NSD2: variants seen among roughly 807,000 people sequenced by gnomAD.
NSD2 encodes the protein nuclear receptor binding SET domain protein 2, also known as histone-lysine N-methyltransferase NSD2.
NSD2 carries 12 observed loss-of-function variants against 139.0 expected under a neutral mutation model. That is an observed-to-expected ratio of 0.09 (90% CI 0.06 to 0.14). The LOEUF (loss-of-function observed/expected upper bound fraction) is 0.14. Among genes scored for constraint, NSD2 ranks in the 10% least tolerant of loss-of-function variants. The pLI is 1.00. For missense variants in NSD2, 1,155 were observed against 1,745.0 expected, an observed-to-expected ratio of 0.66 and a Z score of 6.02; for synonymous variants, 669 against 648.7, an observed-to-expected ratio of 1.03 and a Z score of -0.48.
chr4:1,904,270 T>C lies in NSD2; in HGVS notation c.652T>C (p.Leu218=), dbSNP rs201612782. ...PNTGRDKDHL[L]KYNVGDLVWS... Reference sequence around the variant, plus strand: ...CACTGGAAGAGACAAAGACCACCTGTTGAAATACAACGTTGGTGATTTGGT... The same window carrying C: ...CACTGGAAGAGACAAAGACCACCTGCTGAAATACAACGTTGGTGATTTGGT... Residue 218 remains leucine (L), a synonymous_variant, in exon 3 of 22, where the codon TTG becomes CTG. Coordinates refer to ENST00000508803, the MANE Select transcript of NSD2 (RefSeq NM_001042424.3). 5.8e-5 allele frequency: 93 copies of C among 1,614,088 alleles called. No homozygotes were observed. Among genetic ancestry groups the C allele is most frequent in the Non-Finnish European group, 6.8e-6 (8 of 1,180,022 alleles).
intron 5 of NSD2, among the ~76,000 whole-genome samples, chr4:1,923,918 C>T (rs1026732067): frequency 3.3e-5 from 5 of 152,166 alleles, no homozygotes; most frequent in African/African-American, 4.8e-5. Flanking sequence ...GGGCCACATA[C>T]CCACAACTGA....
chr4:1,951,911 GTCA>G (rs1459680986), intron 10 of NSD2, 194 bp from the exon 11 acceptor site: 1 of 811,136 alleles, frequency 1.2e-6, no homozygotes, highest in Non-Finnish European at 1.8e-6. Context: ...TTCTGTAACA[GTCA>G]TCTGGTTTTA....
intron 3 of NSD2, among the ~76,000 whole-genome samples, chr4:1,905,289 C>T (rs149583056): frequency 2.0e-3 from 298 of 152,296 alleles, no homozygotes; most frequent in African/African-American, 6.2e-3. Flanking sequence ...GAGCAAGTTG[C>T]GATGTGGCGA....
chr4:1,889,730 C>T (rs1715386170), intron 1 of NSD2, among the ~76,000 whole-genome samples: 1 of 152,082 alleles, frequency 6.6e-6, no homozygotes, highest in Admixed American at 6.6e-5. Flanking sequence ...AGGTGATCCA[C>T]TCCTGACCTC....
At chr4:1,899,086 T>C (rs1420706722) in intron 1 of NSD2, 1 of 152,242 alleles carries the variant, frequency 6.6e-6, no homozygotes, top group Non-Finnish European at 1.5e-5. Flanking sequence ...TTTAAGAAAT[T>C]GTGCGGGTCA....
Position 1,957,964 on chromosome 4 carries a change from A to G in NSD2, c.2913A>G (p.Glu971=), listed in dbSNP as rs1284440892. The G allele has an allele frequency of 6.2e-7, 1 of 1,614,084 alleles. No individual in the cohort carries two copies. The highest frequency in any genetic ancestry group is 8.5e-7 in the Non-Finnish European group (1 of 1,180,040). ...AAGAAGCTGAAGCTCGTTTTCGTGAAATTAAGCTTCAGAGGGAAGCCCGAG... is the reference window on the plus strand; with the variant it reads ...AAGAAGCTGAAGCTCGTTTTCGTGAGATTAAGCTTCAGAGGGAAGCCCGAG... The part of the protein sequence containing the change: ...ALQEAEARFR[E]IKLQREARET... Residue 971 remains glutamate (E), a synonymous_variant, in exon 16 of 22, where the codon GAA becomes GAG. Transcript: ENST00000508803.
intron 9 of NSD2, chr4:1,941,722 T>A (rs1204774371): frequency 1.9e-6 from 2 of 1,046,832 alleles, no homozygotes; most frequent in African/African-American, 3.3e-5. Context: ...GTCTTTTCCA[T>A]TAAACTACTT....
At position 1,974,616 on chromosome 4, in the gene NSD2, T is replaced by A. The variant is rs752502777; in HGVS notation, c.3373-247T>A. The A allele has an allele frequency of 5.2e-5, 34 of 653,040 alleles. No individual in the cohort carries two copies. Among genetic ancestry groups the A allele is most frequent in the Non-Finnish European group, 9.3e-5 (33 of 353,948 alleles). 40.5% of individuals were successfully genotyped at this position (653,040 alleles called of 1,614,324 possible). ...CATGGAGGATGCTGGGAGCTCCAGC[T>A]CCCTGTCCTGTCCTCCCCGGCGCTC... On this transcript the variant is annotated intron_variant, in intron 18 of 21. Coordinates refer to ENST00000508803, the MANE Select transcript of NSD2 (RefSeq NM_001042424.3). The surrounding 1 kb of genome is among the most constrained non-coding windows in gnomAD (Gnocchi z 4.0).
chr4:1,966,530 G>A (rs925470679), intron 18 of NSD2, among the ~76,000 whole-genome samples: 40 of 151,970 alleles, frequency 2.6e-4, no homozygotes, highest in African/African-American at 7.5e-4. Flanking sequence ...GGTGGCAGGC[G>A]CCTGTAATCC....
chr4:1,881,464 C>T (rs1016302163), intron 1 of NSD2, among the ~76,000 whole-genome samples: 1 of 152,114 alleles, frequency 6.6e-6, no homozygotes, highest in African/African-American at 2.4e-5. Flanking sequence ...GGGGTTTCAC[C>T]GTGTTAGCCA....
chr4:1,964,268 G>A (rs1418685586), intron 18 of NSD2, among the ~76,000 whole-genome samples: 1 of 152,184 alleles, frequency 6.6e-6, no homozygotes, highest in Non-Finnish European at 1.5e-5. Context: ...TTAAAATAGA[G>A]TCATTGAGAG....
chr4:1,951,969 C>A, intron 10 of NSD2, 139 bp from the exon 11 acceptor site: 2 of 1,341,664 alleles, frequency 1.5e-6, no homozygotes, highest in Non-Finnish European at 1.0e-6. Context: ...AGACGTTTGC[C>A]CATGCATGTT....
chr4:1,927,381 A>G (rs1560671426), intron 5 of NSD2, among the ~76,000 whole-genome samples: 2 of 152,112 alleles, frequency 1.3e-5, no homozygotes, highest in South Asian at 2.1e-4. Flanking sequence ...GGATACCTAA[A>G]CATTCTTCGC....
intron 9 of NSD2, chr4:1,940,519 G>A (rs1371272900): frequency 7.5e-6 from 8 of 1,064,656 alleles, no homozygotes; most frequent in Non-Finnish European, 9.1e-6. Flanking sequence ...TTTTTGTTCG[G>A]AGGTAGTTTT....
In NSD2 at chr4:1,884,097, C is replaced by T. The variant is rs529559398; in HGVS notation, c.-30+12555C>T. On this transcript the variant is annotated intron_variant, in intron 1 of 21. Transcript: ENST00000508803. Reference sequence around the variant, plus strand: ...AGATATAAAAATTAGATTTTTCTCCCTTTTTTTGTCGGGGAGGAGATGGGG... The same window carrying T: ...AGATATAAAAATTAGATTTTTCTCCTTTTTTTTGTCGGGGAGGAGATGGGG... Among the ~76,000 whole-genome samples the T allele has an allele frequency of 3.0e-4, 45 of 152,128 alleles. 1 individual carries two copies. The Middle Eastern group carries it at 0.02, about 69-fold the overall frequency.
intron 5 of NSD2, among the ~76,000 whole-genome samples, chr4:1,926,565 G>A (rs570801318): frequency 6.6e-6 from 1 of 151,942 alleles, no homozygotes; most frequent in African/African-American, 2.4e-5. Context: ...CCGCCTTCCG[G>A]GTTCAAGCGA....
chr4:1,893,024 TA>T (rs1179969686), intron 1 of NSD2: 6 of 149,386 alleles, frequency 4.0e-5, no homozygotes, highest in Non-Finnish European at 7.5e-5. Context: ...ATTCTTAGGT[TA>T]TTAGTCTTCT....
chr4:1,961,195 T>C (rs771655218), intron 18 of NSD2, 44 bp downstream of exon 18: 7 of 1,509,612 alleles, frequency 4.6e-6, no homozygotes, highest in South Asian at 1.2e-5. Context: ...GTGCTGGACC[T>C]GGAGCCCTGA....
chr4:1,945,387 A>T, intron 9 of NSD2: 1 of 1,062,288 alleles, frequency 9.4e-7, no homozygotes, highest in Non-Finnish European at 1.1e-6. Flanking sequence ...TTGCTTGCCC[A>T]TGGTGTGTGT....
Sources: gnomAD v4.1 joint callset for allele counts (sites outside exome capture counted in the v4.1 genomes callset) on GRCh38, gnomAD v4.1.1 for gene constraint, Gnocchi (gnomAD v3.1) non-coding constraint, MANE v1.5 for transcripts, NCBI Gene and HGNC (gene_info 2026-07-23, HGNC 2026-07-21) for gene names.